PLS1: variants seen among roughly 807,000 people sequenced by gnomAD.
PLS1 encodes the protein plastin 1, also known as plastin-1.
In PLS1, 32 loss-of-function variants were observed where a neutral mutation model predicts 73.7. That is an observed-to-expected ratio of 0.43 (90% CI 0.33 to 0.58). The LOEUF (loss-of-function observed/expected upper bound fraction) is 0.58. Ranked by LOEUF, PLS1 falls within the 20% of genes least tolerant of loss-of-function variation. The pLI is 0.04. For missense variants in PLS1, 633 were observed against 740.5 expected (o/e 0.85, Z 1.68); for synonymous variants, 217 against 261.3 (o/e 0.83, Z 1.63).
intron 1 of PLS1, among the ~76,000 whole-genome samples, chr3:142,605,249 T>A (rs1282771406): frequency 6.6e-6 from 1 of 152,356 alleles, no homozygotes; most frequent in Non-Finnish European, 1.5e-5. Context: ...CTGATTTTAC[T>A]TCCTTTCACT....
At chr3:142,638,322 C>A (rs2036743733) in intron 1 of PLS1, among the ~76,000 whole-genome samples, 1 of 152,142 alleles carries the variant, frequency 6.6e-6, no homozygotes, top group Non-Finnish European at 1.5e-5. Flanking sequence ...AGCATGGCAT[C>A]CTGGATCTGC....
chr3:142,615,613 T>G (rs369004153), intron 1 of PLS1, among the ~76,000 whole-genome samples: 1 of 152,102 alleles, frequency 6.6e-6, no homozygotes, highest in East Asian at 1.9e-4. Flanking sequence ...CAAATGGCCT[T>G]CCTAATATCC....
At chr3:142,636,591 T>A (rs2036697837) in intron 1 of PLS1, among the ~76,000 whole-genome samples, 1 of 152,200 alleles carries the variant, frequency 6.6e-6, no homozygotes, top group Non-Finnish European at 1.5e-5. Flanking sequence ...TTCATCAAAA[T>A]GTAAAAGTTC....
At chr3:142,654,127 C>A (rs2107799875) in intron 1 of PLS1, among the ~76,000 whole-genome samples, 1 of 152,184 alleles carries the variant, frequency 6.6e-6, no homozygotes, top group South Asian at 2.1e-4. Context: ...AATATAATGA[C>A]CGTGGCTGGT....
intron 9 of PLS1, among the ~76,000 whole-genome samples, 178 bp downstream of exon 9, chr3:142,686,554 T>A (rs1474281555): frequency 6.6e-6 from 1 of 152,202 alleles, no homozygotes; most frequent in Admixed American, 6.5e-5. Flanking sequence ...AATTCTGTAC[T>A]CATTAAACAA....
At chr3:142,698,240 A>G (rs1251975415) in intron 12 of PLS1, 173 bp downstream of exon 12, 4 of 524,420 alleles carry the variant, frequency 7.6e-6, no homozygotes, top group Non-Finnish European at 1.4e-5. Flanking sequence ...AGATGAAGGC[A>G]ATCCCTCTAG....
At chr3:142,667,991 C>A (rs376280688) in intron 2 of PLS1, among the ~76,000 whole-genome samples, 235 of 152,278 alleles carry the variant, frequency 1.5e-3, no homozygotes, top group African/African-American at 5.0e-3. Flanking sequence ...AGTATTAATT[C>A]TAAAACTTTC....
At chr3:142,655,513 G>C (rs1488326757) in intron 1 of PLS1, among the ~76,000 whole-genome samples, 1 of 151,984 alleles carries the variant, frequency 6.6e-6, no homozygotes, top group Non-Finnish European at 1.5e-5. Context: ...CTGAGGTCAG[G>C]AGTTCGAGAC....
chr3:142,689,250 C>G (rs528142116), intron 9 of PLS1, among the ~76,000 whole-genome samples: 64 of 152,040 alleles, frequency 4.2e-4, no homozygotes, highest in African/African-American at 1.1e-3. Flanking sequence ...ATGGCAAAAC[C>G]CTGTCTTTAC....
chr3:142,618,649 C>T (rs2036256365), intron 1 of PLS1, among the ~76,000 whole-genome samples: 1 of 152,110 alleles, frequency 6.6e-6, no homozygotes, highest in Non-Finnish European at 1.5e-5. Flanking sequence ...TTCTAGAGGC[C>T]ACCTGCATTC....
chr3:142,651,225 C>T (rs2037080718), intron 1 of PLS1, among the ~76,000 whole-genome samples: 1 of 151,664 alleles, frequency 6.6e-6, no homozygotes, highest in African/African-American at 2.4e-5. Flanking sequence ...TTTGGGAGCC[C>T]GAGGCAGGTG....
chr3:142,623,479 A>G (rs1560034437), intron 1 of PLS1: 1 of 152,228 alleles, frequency 6.6e-6, no homozygotes, highest in South Asian at 2.1e-4. Context: ...GAGGATAGAC[A>G]CAGCTTAGGA....
intron 12 of PLS1, among the ~76,000 whole-genome samples, chr3:142,702,710 T>C (rs1402435572): frequency 6.6e-6 from 1 of 152,116 alleles, no homozygotes; most frequent in Non-Finnish European, 1.5e-5. Flanking sequence ...AAAAACCCTA[T>C]TGACTCCAGG....
intron 1 of PLS1, among the ~76,000 whole-genome samples, chr3:142,634,344 T>A (rs1006581219): frequency 3.3e-5 from 5 of 152,202 alleles, no homozygotes; most frequent in East Asian, 3.9e-4. Context: ...AAACAAAAGC[T>A]ATATGAGGAA....
intron 2 of PLS1, among the ~76,000 whole-genome samples, chr3:142,665,037 C>T (rs2037449971): frequency 6.6e-6 from 1 of 150,692 alleles, no homozygotes; most frequent in South Asian, 2.1e-4. Flanking sequence ...GAAAGGTGAG[C>T]ACAGTGAATA....
intron 1 of PLS1, among the ~76,000 whole-genome samples, chr3:142,625,680 T>C (rs1402330906): frequency 6.6e-6 from 1 of 152,180 alleles, no homozygotes; most frequent in Non-Finnish European, 1.5e-5. Flanking sequence ...AGGGTATATA[T>C]GAAAATAAAT....
At chr3:142,674,189 C>T (rs7620419) in intron 4 of PLS1, among the ~76,000 whole-genome samples, 1 of 152,042 alleles carries the variant, frequency 6.6e-6, no homozygotes, top group Non-Finnish European at 1.5e-5. Flanking sequence ...ATTTGTTTTA[C>T]AATTACACTA....
intron 5 of PLS1, among the ~76,000 whole-genome samples, chr3:142,677,426 A>C (rs1008911547): frequency 1.3e-5 from 2 of 152,262 alleles, no homozygotes; most frequent in Non-Finnish European, 2.9e-5. Flanking sequence ...CAGGAGGATC[A>C]CTTGAGGTCA....
chr3:142,708,358 T>C (rs1932947412), intron 14 of PLS1, among the ~76,000 whole-genome samples: 1 of 152,228 alleles, frequency 6.6e-6, no homozygotes, highest in Non-Finnish European at 1.5e-5. Flanking sequence ...GCGATTCTCC[T>C]GCCTCAGCCT....
Sources: allele counts gnomAD v4.1 joint callset (sites outside exome capture counted in the v4.1 genomes callset), GRCh38; gene constraint gnomAD v4.1.1; transcripts MANE v1.5; gene names NCBI Gene and HGNC (gene_info 2026-07-23, HGNC 2026-07-21).